The following SCTR variants were observed in gnomAD, a reference collection of about 807,000 sequenced individuals.
SCTR encodes secretin receptor.
SCTR carries 56 observed loss-of-function variants against 60.8 expected under a neutral mutation model. The ratio of observed to expected loss-of-function variants is 0.92; its 90% CI spans 0.74 to 1.15. The LOEUF is 1.15. SCTR is among the 50% of genes most tolerant of loss of function. The pLI, the probability that SCTR is intolerant of heterozygous loss-of-function variation, is 0.00. For synonymous variants in SCTR, 202 were observed against 217.0 expected, an observed-to-expected ratio of 0.93 and a Z score of 0.61; for missense variants, 562 against 550.4, an observed-to-expected ratio of 1.02 and a Z score of -0.21.
At chr2:119,500,657 A>G (rs1678512640) in intron 1 of SCTR, among the ~76,000 whole-genome samples, 1 of 152,236 alleles carries the variant, frequency 6.6e-6, no homozygotes, top group Admixed American at 6.5e-5. Context: ...TCTCACTCAT[A>G]CATGGGAACT....
chr2:119,450,082 T>A (rs1455694925), intron 9 of SCTR, among the ~76,000 whole-genome samples: 35 of 95,716 alleles, frequency 3.7e-4, no homozygotes, highest in South Asian at 6.4e-4. Context: ...GAAAGAAAAA[T>A]AAATAAATAA....
chr2:119,468,345 G>T (rs1275914966), intron 4 of SCTR, among the ~76,000 whole-genome samples: 2 of 152,224 alleles, frequency 1.3e-5, no homozygotes, highest in Non-Finnish European at 2.9e-5. Flanking sequence ...GTGTCACACA[G>T]TGTACTGTAG....
intron 1 of SCTR, among the ~76,000 whole-genome samples, chr2:119,506,769 T>C (rs962946998): frequency 2.0e-5 from 3 of 152,166 alleles, no homozygotes; most frequent in African/African-American, 7.2e-5. Flanking sequence ...AGCCACCATG[T>C]CTGGCCTATA....
At chr2:119,500,484 G>A (rs368833659) in intron 1 of SCTR, among the ~76,000 whole-genome samples, 11 of 152,174 alleles carry the variant, frequency 7.2e-5, no homozygotes, top group African/African-American at 2.7e-4. Context: ...GTACCCATCA[G>A]CAGATGAGTA....
intron 1 of SCTR, among the ~76,000 whole-genome samples, chr2:119,500,701 T>A (rs1678514722): frequency 6.6e-6 from 1 of 152,140 alleles, no homozygotes; most frequent in Admixed American, 6.5e-5. Context: ...AGAGACTAGA[T>A]GGGTGGTTAC....
At position 119,505,716 on chromosome 2, in the gene SCTR, G is replaced by A. The variant is rs144739531; in HGVS notation, c.73-11168C>T. 1.5e-3 allele frequency among the ~76,000 whole-genome samples: 228 copies of A among 150,026 alleles called. 2 individuals carry two copies. The highest frequency in any genetic ancestry group is 5.1e-3 in the African/African-American group (207 of 40,738). ...CACCGGGGCCTGTTGTGGGGTGGCGGGAGGGGGGAGGGATAGCTTTAGGAG... is the reference window on the plus strand; with the variant it reads ...CACCGGGGCCTGTTGTGGGGTGGCGAGAGGGGGGAGGGATAGCTTTAGGAG... On this transcript the variant is annotated intron_variant, in intron 1 of 12. Coordinates refer to ENST00000019103, the MANE Select transcript of SCTR (RefSeq NM_002980.3).
At chr2:119,464,279 A>T in intron 5 of SCTR, 24 bp from the exon 6 acceptor site, 2 of 1,613,976 alleles carry the variant, frequency 1.2e-6, no homozygotes, top group Non-Finnish European at 1.7e-6. Flanking sequence ...ATGTAGGGAC[A>T]TAGAGGCCAG....
chr2:119,506,270 G>C (rs1423508305), intron 1 of SCTR, among the ~76,000 whole-genome samples: 1 of 152,016 alleles, frequency 6.6e-6, no homozygotes, highest in South Asian at 2.1e-4. Context: ...TTTTCCAATG[G>C]GTAAGCAGTT....
intron 7 of SCTR, among the ~76,000 whole-genome samples, chr2:119,459,776 C>T (rs1217785716): frequency 6.6e-6 from 1 of 152,192 alleles, no homozygotes; most frequent in Admixed American, 6.5e-5. Context: ...TATCACAATG[C>T]AGCTTTGTAA....
intron 1 of SCTR, among the ~76,000 whole-genome samples, chr2:119,496,444 A>G (rs1678350006): frequency 6.6e-6 from 1 of 152,218 alleles, no homozygotes; most frequent in South Asian, 2.1e-4. Flanking sequence ...TATATAATAT[A>G]GAAAAAAAAG....
At chr2:119,446,351 AG>A (rs1175707255) in intron 11 of SCTR, among the ~76,000 whole-genome samples, 1 of 152,130 alleles carries the variant, frequency 6.6e-6, no homozygotes, top group Non-Finnish European at 1.5e-5. Flanking sequence ...TGGACTTCCC[AG>A]TGTGAAGATG....
chr2:119,476,305 G>A (rs1303097930), intron 3 of SCTR: 2 of 152,230 alleles, frequency 1.3e-5, no homozygotes, highest in Non-Finnish European at 2.9e-5. Flanking sequence ...CTGTGCTCTT[G>A]GGCCACCCAC....
At chr2:119,449,541 G>A (rs1007665393) in intron 9 of SCTR, among the ~76,000 whole-genome samples, 1 of 152,094 alleles carries the variant, frequency 6.6e-6, no homozygotes, top group Admixed American at 6.5e-5. Flanking sequence ...GGACAGGAAC[G>A]CAGTCTTTTT....
chr2:119,451,332 A>C (rs540259013), intron 9 of SCTR, among the ~76,000 whole-genome samples: 82 of 152,180 alleles, frequency 5.4e-4, no homozygotes, highest in Non-Finnish European at 1.0e-3. Flanking sequence ...GCTGGGCTAC[A>C]GGACTCTACC....
At chr2:119,505,227 ACACATATGTTTATTGCAGCGCTATT>A (rs576693921) in intron 1 of SCTR, among the ~76,000 whole-genome samples, 320 of 151,750 alleles carry the variant, frequency 2.1e-3, no homozygotes, top group East Asian at 0.012. Context: ...AGACACATGC[ACACATATGTTTATTGCAGCGCTATT>A]CACAATAGCA....
rs1452761992 is a variant in SCTR at position 119,448,062 on chromosome 2, G to A, written c.1013+627C>T. Among the ~76,000 whole-genome samples the A allele has an allele frequency of 4.6e-5, 7 of 152,264 alleles. No individual in the cohort carries two copies. The South Asian group carries it at 1.0e-3, about 23-fold the overall frequency. On this transcript the variant is annotated intron_variant, in intron 10 of 12. Transcript: ENST00000019103. Reference sequence around the variant, plus strand: ...AAATCAACTGGTGTCCTTAGAAGAGGAAATATGGACACACAGAGGGACACC... The same window carrying A: ...AAATCAACTGGTGTCCTTAGAAGAGAAAATATGGACACACAGAGGGACACC...
chr2:119,493,786 C>T (rs556304970), intron 2 of SCTR, among the ~76,000 whole-genome samples: 25 of 152,180 alleles, frequency 1.6e-4, no homozygotes, highest in African/African-American at 5.8e-4. Flanking sequence ...GAATTACAGG[C>T]ATGCGCCACC....
rs773801107 is a variant in SCTR, at chr2:119,474,962, C to T, written c.302-1406G>A. On this transcript the variant is annotated intron_variant, in intron 3 of 12. Transcript: ENST00000019103. Reference sequence around the variant, plus strand: ...CTGAAACCCAGTGCAGCCTCTTGGTCACTGTGTGACCTTCGGTGCATCATT... The same window carrying T: ...CTGAAACCCAGTGCAGCCTCTTGGTTACTGTGTGACCTTCGGTGCATCATT... Among the ~76,000 whole-genome samples, 37 of 152,350 alleles carry T rather than the reference C, an allele frequency of 2.4e-4. 1 individual carries two copies. The highest frequency in any genetic ancestry group is 4.8e-5 in the African/African-American group (2 of 41,588).
intron 3 of SCTR, among the ~76,000 whole-genome samples, chr2:119,475,547 CTT>C (rs1179692355): frequency 6.6e-6 from 1 of 151,054 alleles, no homozygotes; most frequent in Non-Finnish European, 1.5e-5. Context: ...GTAAGGGAAA[CTT>C]AACCAGGCAC....
Sources: allele counts gnomAD v4.1 joint callset (sites outside exome capture counted in the v4.1 genomes callset), GRCh38; gene constraint gnomAD v4.1.1; transcripts MANE v1.5; gene names NCBI Gene and HGNC (gene_info 2026-07-23, HGNC 2026-07-21).